The following ZBTB20 variants were observed in gnomAD, a reference collection of about 807,000 sequenced individuals.
ZBTB20 encodes zinc finger and BTB domain-containing protein 20.
In ZBTB20, 9 loss-of-function variants were observed where a neutral mutation model predicts 56.9. The ratio of observed to expected loss-of-function variants is 0.16; its 90% confidence interval spans 0.10 to 0.28. The LOEUF (loss-of-function observed/expected upper bound fraction) is 0.28, where lower values mean the gene tolerates loss of function less well. Ranked by LOEUF, ZBTB20 falls within the 10% of genes least tolerant of loss-of-function variation. The pLI, the probability that ZBTB20 is intolerant of heterozygous loss-of-function variation, is 1.00. For synonymous variants in ZBTB20, 417 were observed against 420.7 expected (o/e 0.99, Z 0.11); for missense variants, 655 against 1,003.0 (o/e 0.65, Z 4.69).
chr3:114,756,945 C>A (rs917037219), intron 5 of ZBTB20, among the ~76,000 whole-genome samples: 2 of 152,078 alleles, frequency 1.3e-5, no homozygotes, highest in African/African-American at 2.4e-5. Flanking sequence ...TACAGTACCA[C>A]CTGGGAATAA....
At chr3:114,692,036 C>G (rs2062727289) in intron 6 of ZBTB20, among the ~76,000 whole-genome samples, 1 of 152,046 alleles carries the variant, frequency 6.6e-6, no homozygotes, top group African/African-American at 2.4e-5. Context: ...AAAGAAACGT[C>G]AATACAGATT....
Position 114,961,685 on chromosome 3 carries a change from A to T in ZBTB20, c.-456+12681T>A, listed in dbSNP as rs867798148. ...GTTCTTGCCTAAGAGGAAACCCTAT[A>T]ATAAGAGCTTCCCAAAATGTCAAAT... On this transcript the variant is annotated intron_variant, in intron 3 of 11. Transcript: ENST00000675478. Among the ~76,000 whole-genome samples, 7 of 152,266 alleles carry T rather than the reference A, an allele frequency of 4.6e-5. No homozygotes were observed. In the South Asian group the frequency reaches 8.3e-4, roughly 18 times the overall value.
At chr3:115,085,391 G>GT (rs2082949076) in intron 1 of ZBTB20, among the ~76,000 whole-genome samples, 1 of 151,940 alleles carries the variant, frequency 6.6e-6, no homozygotes, top group African/African-American at 2.4e-5. Context: ...CTCCCTGGAA[G>GT]TAAGTTGGAC....
chr3:114,608,723 G>C (rs1202115483), intron 6 of ZBTB20, among the ~76,000 whole-genome samples: 1 of 152,156 alleles, frequency 6.6e-6, no homozygotes, highest in Non-Finnish European at 1.5e-5. Context: ...TAATTCCCAA[G>C]TATCAATTCT....
chr3:115,006,121 TCTTA>T (rs2079458387), intron 2 of ZBTB20, among the ~76,000 whole-genome samples: 1 of 151,762 alleles, frequency 6.6e-6, no homozygotes, highest in Non-Finnish European at 1.5e-5. Flanking sequence ...ACTGGATCCT[TCTTA>T]TCATTTGAGT....
At chr3:114,631,250 G>A (rs537452440) in intron 6 of ZBTB20, among the ~76,000 whole-genome samples, 1 of 151,948 alleles carries the variant, frequency 6.6e-6, no homozygotes, top group African/African-American at 2.4e-5. Context: ...AAAGCTTTGA[G>A]AGAGGTAAAA....
intron 6 of ZBTB20, among the ~76,000 whole-genome samples, chr3:114,514,696 G>C (rs1284758622): frequency 6.6e-6 from 1 of 152,122 alleles, no homozygotes; most frequent in Non-Finnish European, 1.5e-5. Context: ...AATCCATTAA[G>C]ATAGGAGGAA....
At chr3:115,020,091 G>A (rs1233653558) in intron 2 of ZBTB20, among the ~76,000 whole-genome samples, 2 of 150,996 alleles carry the variant, frequency 1.3e-5, no homozygotes, top group African/African-American at 2.4e-5. Flanking sequence ...GACATTCCTG[G>A]GCAGCACAAC....
chr3:114,354,317 A>C (rs2080989798), intron 10 of ZBTB20, among the ~76,000 whole-genome samples: 1 of 152,214 alleles, frequency 6.6e-6, no homozygotes, highest in Non-Finnish European at 1.5e-5. Flanking sequence ...GGATGGATTT[A>C]TTACAACATT....
rs1014258371 is a variant in ZBTB20 at position 114,316,504 on chromosome 3, T to C, written c.*22501A>G. The C allele has an allele frequency of 1.9e-6, 1 of 527,462 alleles. No individual in the cohort carries two copies. The allele number at this position is 527,462 out of a possible 1,614,324, so 32.7% of individuals were successfully genotyped here. On this transcript the variant is annotated 3_prime_UTR_variant, in exon 12 of 12. Transcript: ENST00000675478. ...TACACACCTATACATGTATAATATA[T>C]ACACTATATATATGTGGATACATAT...
At chr3:114,456,061 A>G (rs4599273) in intron 7 of ZBTB20, among the ~76,000 whole-genome samples, 25,453 of 151,948 alleles carry the variant, frequency 0.17, 3,713 homozygotes, top group African/African-American at 0.38. Context: ...AATCACCCTT[A>G]CCTCCCAAAT....
At chr3:114,951,048 T>C (rs897105883) in intron 3 of ZBTB20, among the ~76,000 whole-genome samples, 3 of 152,146 alleles carry the variant, frequency 2.0e-5, no homozygotes, top group South Asian at 4.1e-4. Context: ...GAAAGATAGA[T>C]AAAGGGATCT....
At chr3:114,414,621 A>G (rs1305737772) in intron 7 of ZBTB20, among the ~76,000 whole-genome samples, 3 of 151,692 alleles carry the variant, frequency 2.0e-5, no homozygotes, top group Non-Finnish European at 2.9e-5. Context: ...GCCTTGAAAT[A>G]TAATACAAAA....
At chr3:114,468,645 T>G (rs1016628485) in intron 7 of ZBTB20, among the ~76,000 whole-genome samples, 1 of 152,202 alleles carries the variant, frequency 6.6e-6, no homozygotes, top group African/African-American at 2.4e-5. Context: ...TTTGGACATT[T>G]TGGTTGCATT....
At chr3:114,389,951 C>T (rs1466960112) in intron 7 of ZBTB20, among the ~76,000 whole-genome samples, 7 of 149,534 alleles carry the variant, frequency 4.7e-5, no homozygotes, top group Admixed American at 2.7e-4. Context: ...GGTGAGAACA[C>T]GTAAAACCTA....
At chr3:114,565,388 G>C (rs193249135) in intron 6 of ZBTB20, among the ~76,000 whole-genome samples, 2 of 152,118 alleles carry the variant, frequency 1.3e-5, no homozygotes, top group Non-Finnish European at 2.9e-5. Context: ...CCGTCTGGGC[G>C]TCTGGCACCT....
At chr3:114,456,386 C>G (rs755400158) in intron 7 of ZBTB20, among the ~76,000 whole-genome samples, 6 of 152,068 alleles carry the variant, frequency 3.9e-5, no homozygotes, top group Non-Finnish European at 5.9e-5. Flanking sequence ...CTACAAAGAC[C>G]TCACCCTGAA....
chr3:114,390,992 T>A (rs200214569), intron 7 of ZBTB20, among the ~76,000 whole-genome samples: 2 of 33,314 alleles, frequency 6.0e-5, no homozygotes, highest in African/African-American at 5.2e-4. Context: ...AATTCTTCCG[T>A]TTTTTTTTTC....
intron 2 of ZBTB20, among the ~76,000 whole-genome samples, chr3:115,026,863 TA>T (rs1052082937): frequency 3.5e-4 from 51 of 147,258 alleles, no homozygotes; most frequent in East Asian, 4.0e-4. Flanking sequence ...AGTAACAATA[TA>T]AAAAAAAAAT....
Sources: gnomAD v4.1 joint callset for allele counts (sites outside exome capture counted in the v4.1 genomes callset) on GRCh38, gnomAD v4.1.1 for gene constraint, MANE v1.5 for transcripts, NCBI Gene and HGNC (gene_info 2026-07-23, HGNC 2026-07-21) for gene names.